ESRRB: variants seen among roughly 807,000 people sequenced by gnomAD.
ESRRB encodes steroid hormone receptor ERR2.
A neutral mutation model predicts 46.0 loss-of-function variants in ESRRB; 16 were observed. That is an observed-to-expected ratio of 0.35 (90% CI 0.24 to 0.53). The LOEUF (loss-of-function observed/expected upper bound fraction) is 0.53, where lower values mean the gene tolerates loss of function less well. Among genes scored for constraint, ESRRB ranks in the 20% least tolerant of loss-of-function variants. ESRRB has a pLI of 0.93. For missense variants in ESRRB, 488 were observed against 607.4 expected, an observed-to-expected ratio of 0.80 and a Z score of 2.07; for synonymous variants, 246 against 259.6, an observed-to-expected ratio of 0.95 and a Z score of 0.50.
At chr14:76,493,562 A>G (rs1383560828) in intron 6 of ESRRB, among the ~76,000 whole-genome samples, 1 of 152,238 alleles carries the variant, frequency 6.6e-6, no homozygotes, top group African/African-American at 2.4e-5. Context: ...ATTACTATTA[A>G]TGATAGAGGA....
chr14:76,386,651 G>T (rs1206581063), intron 1 of ESRRB, among the ~76,000 whole-genome samples: 1 of 151,650 alleles, frequency 6.6e-6, no homozygotes, highest in African/African-American at 2.4e-5. Context: ...TAGTAGAGAC[G>T]GGGTTTCACC....
intron 3 of ESRRB, among the ~76,000 whole-genome samples, chr14:76,470,977 C>A (rs911052346): frequency 1.3e-5 from 2 of 152,192 alleles, no homozygotes; most frequent in Admixed American, 6.5e-5. Context: ...ATATTTTAGA[C>A]CTGAATATCT....
chr14:76,496,629 A>G (rs1039138559), intron 6 of ESRRB, among the ~76,000 whole-genome samples: 6 of 152,196 alleles, frequency 3.9e-5, no homozygotes, highest in Admixed American at 3.3e-4. Context: ...CCCAGGCATC[A>G]TAGAGAAAAT....
In ESRRB at chr14:76,501,552, G is replaced by A. The variant is rs750049853; in HGVS notation, c.*3094G>A. 6.6e-6 allele frequency: 1 copy of A among 152,182 alleles called. No homozygotes were observed. The highest frequency in any genetic ancestry group is 1.5e-5 in the Non-Finnish European group (1 of 68,060). The allele number at this position is 152,182 out of a possible 1,614,324, so 9.4% of individuals were successfully genotyped here. On this transcript the variant is annotated 3_prime_UTR_variant, in exon 7 of 7. Transcript: ENST00000644823. ...AGTGGCAGGGGAGGGTGACCAGCTT[G>A]TGACAAGAAGACTGAAGGGTCCAGA... is the stretch of plus-strand genomic sequence containing the variant.
intron 1 of ESRRB, among the ~76,000 whole-genome samples, chr14:76,314,967 C>A (rs78240988): frequency 0.011 from 1,727 of 152,192 alleles, 11 homozygotes; most frequent in Non-Finnish European, 0.019. Context: ...CTGCCACCAA[C>A]CAAGTGAGCA....
chr14:76,353,483 C>T (rs1265433649), intron 1 of ESRRB, among the ~76,000 whole-genome samples: 1 of 152,202 alleles, frequency 6.6e-6, no homozygotes, highest in Non-Finnish European at 1.5e-5. Flanking sequence ...TTAGGCCTTC[C>T]AGCCCCATCA....
upstream of ESRRB, among the ~76,000 whole-genome samples, chr14:76,368,251 G>A (rs1462280879): frequency 1.3e-5 from 2 of 151,644 alleles, no homozygotes; most frequent in Admixed American, 6.6e-5. Context: ...GGGATTACAG[G>A]CATGAGCCAC....
intron 1 of ESRRB, among the ~76,000 whole-genome samples, chr14:76,410,824 C>T (rs1197266968): frequency 6.6e-6 from 1 of 151,840 alleles, no homozygotes; most frequent in Non-Finnish European, 1.5e-5. Flanking sequence ...CTCTCTGTCA[C>T]CCAGACTGGA....
chr14:76,339,551 C>T (rs958186811), intron 1 of ESRRB, among the ~76,000 whole-genome samples: 2 of 152,208 alleles, frequency 1.3e-5, no homozygotes, highest in African/African-American at 2.4e-5. Context: ...TGGACGTGTA[C>T]TGTACCATGT....
intron 1 of ESRRB, among the ~76,000 whole-genome samples, chr14:76,354,408 G>A (rs898388889): frequency 6.6e-6 from 1 of 152,072 alleles, no homozygotes; most frequent in Non-Finnish European, 1.5e-5. Flanking sequence ...GATGAAGCCA[G>A]GCTCACATAG....
At chr14:76,344,946 T>C (rs1374031216) in intron 1 of ESRRB, among the ~76,000 whole-genome samples, 4 of 152,160 alleles carry the variant, frequency 2.6e-5, no homozygotes, top group Non-Finnish European at 5.9e-5. Context: ...TTCCATCATA[T>C]ATATACTACA....
chr14:76,314,046 C>T (rs1883769475), intron 1 of ESRRB, among the ~76,000 whole-genome samples: 1 of 152,104 alleles, frequency 6.6e-6, no homozygotes, highest in Non-Finnish European at 1.5e-5. Flanking sequence ...ATTTATGAGT[C>T]TCCCAGTGAG....
At chr14:76,486,047 T>C (rs1325865548) in intron 5 of ESRRB, among the ~76,000 whole-genome samples, 1 of 152,186 alleles carries the variant, frequency 6.6e-6, no homozygotes, top group Non-Finnish European at 1.5e-5. Flanking sequence ...AGTCTGACAT[T>C]GTCCTACCCC....
At chr14:76,375,153 C>G (rs1884719989), upstream of ESRRB, among the ~76,000 whole-genome samples, 1 of 150,688 alleles carries the variant, frequency 6.6e-6, no homozygotes, top group African/African-American at 2.4e-5. Flanking sequence ...AATTCTATAC[C>G]TACCCCCCTC....
At chr14:76,408,358 C>G (rs1323622041) in intron 1 of ESRRB, among the ~76,000 whole-genome samples, 4 of 152,040 alleles carry the variant, frequency 2.6e-5, no homozygotes, top group Non-Finnish European at 5.9e-5. Flanking sequence ...GCAAAAGGGT[C>G]ACTTGAGCCC....
At chr14:76,485,273 C>T (rs958702700) in intron 5 of ESRRB, among the ~76,000 whole-genome samples, 1 of 143,810 alleles carries the variant, frequency 7.0e-6, no homozygotes, top group Non-Finnish European at 1.5e-5. Context: ...GGAGTCTCCG[C>T]TCTCTTGCCT....
rs1233315450 is a variant in ESRRB, at chr14:76,332,527, TATATACA to T, written c.2+21617_2+21623del. ...TATGTATTTGTATATAATATATAAATATATACAATATAATATATATTTATATAATATA... is the reference window on the plus strand; with the variant it reads ...TATGTATTTGTATATAATATATAAATATATAATATATATTTATATAATATA... On this transcript the variant is annotated intron_variant, in intron 1 of 6. Coordinates refer to the ESRRB transcript ENST00000512784. Among the ~76,000 whole-genome samples the T allele has an allele frequency of 2.8e-4, 19 of 66,712 alleles. No individual in the cohort carries two copies. In the South Asian group the frequency reaches 4.6e-3, roughly 16 times the overall value. 43.8% of individuals were successfully genotyped at this position (66,712 alleles called of 152,430 possible). A position where few individuals can be genotyped will look rare whatever the true frequency, so the allele number is the denominator to read the frequency against.
intron 1 of ESRRB, among the ~76,000 whole-genome samples, chr14:76,348,000 G>A (rs1884270404): frequency 6.6e-6 from 1 of 152,126 alleles, no homozygotes; most frequent in Admixed American, 6.5e-5. Context: ...ATCTGAGTAT[G>A]TTTTAAACTA....
intron 5 of ESRRB, among the ~76,000 whole-genome samples, chr14:76,491,156 GT>G (rs745967158): frequency 6.6e-5 from 10 of 152,178 alleles, no homozygotes; most frequent in Non-Finnish European, 1.2e-4. Context: ...CTCTACAGAC[GT>G]TTGGAAAATA....
Sources: allele counts gnomAD v4.1 joint callset (sites outside exome capture counted in the v4.1 genomes callset), GRCh38; gene constraint gnomAD v4.1.1; transcripts MANE v1.5; gene names NCBI Gene and HGNC (gene_info 2026-07-23, HGNC 2026-07-21).